The following ALK variants were observed in gnomAD, a reference collection of about 807,000 sequenced individuals.
ALK encodes ALK tyrosine kinase receptor.
A neutral mutation model predicts 163.1 loss-of-function variants in ALK; 74 were observed. The observed-to-expected ratio is 0.45, with a 90% CI of 0.38 to 0.55. The LOEUF (loss-of-function observed/expected upper bound fraction) is 0.55. ALK is among the 20% of genes least tolerant of loss of function. The probability of loss-of-function intolerance (pLI) is 0.00; values close to 1 mark genes in which losing one functional copy is unlikely to be tolerated. For synonymous variants in ALK, 960 were observed against 843.2 expected, an observed-to-expected ratio of 1.14 and a Z score of -2.40; for missense variants, 2,063 against 2,105.3, an observed-to-expected ratio of 0.98 and a Z score of 0.39.
chr2:29,658,848 T>C (rs1445562421), intron 3 of ALK, among the ~76,000 whole-genome samples: 1 of 152,168 alleles, frequency 6.6e-6, no homozygotes, highest in Non-Finnish European at 1.5e-5. Context: ...TAAACTACAC[T>C]GAAGCAGGGA....
intron 1 of ALK, among the ~76,000 whole-genome samples, chr2:29,841,493 T>C (rs1665697135): frequency 6.6e-6 from 1 of 152,230 alleles, no homozygotes; most frequent in Non-Finnish European, 1.5e-5. Context: ...GTTTGTATGT[T>C]AGAGAAGGAT....
chr2:29,731,413 G>A (rs1048083536), intron 1 of ALK, among the ~76,000 whole-genome samples: 3 of 152,220 alleles, frequency 2.0e-5, no homozygotes, highest in Admixed American at 1.3e-4. Context: ...GCATAAACTC[G>A]GAGAAACTGC....
chr2:29,728,646 T>G (rs1679643137), intron 1 of ALK, among the ~76,000 whole-genome samples: 1 of 152,182 alleles, frequency 6.6e-6, no homozygotes, highest in African/African-American at 2.4e-5. Context: ...ACTGAGGCCC[T>G]TAACCAGATG....
rs1673125382 is a variant in ALK, at chr2:29,531,776, G to T, written c.1154+139C>A. Reference sequence around the variant, plus strand: ...CCAAGACACTACCTAAGGGATATTAGTAGTAATTGCTCAACCTGGACCTAC... The same window carrying T: ...CCAAGACACTACCTAAGGGATATTATTAGTAATTGCTCAACCTGGACCTAC... On this transcript the variant is annotated intron_variant, in intron 4 of 28. Transcript: ENST00000389048. The T allele has an allele frequency of 9.1e-6, 8 of 875,392 alleles. No individual in the cohort carries two copies. The Admixed American group carries it at 1.4e-4, about 15-fold the overall frequency. The allele number at this position is 875,392 out of a possible 1,614,324, so 54.2% of individuals were successfully genotyped here.
At chr2:29,663,176 A>T (rs771312817) in intron 3 of ALK, among the ~76,000 whole-genome samples, 1 of 152,160 alleles carries the variant, frequency 6.6e-6, no homozygotes. Context: ...TAATTTCCCC[A>T]TTGGAACTCC....
intron 3 of ALK, among the ~76,000 whole-genome samples, chr2:29,559,397 G>C (rs139940396): frequency 6.6e-6 from 1 of 152,352 alleles, no homozygotes; most frequent in African/African-American, 2.4e-5. Context: ...CTGCCCAGCA[G>C]AGGCGTATGG....
chr2:29,420,700 G>A (rs1009715395), intron 4 of ALK, among the ~76,000 whole-genome samples: 2 of 151,632 alleles, frequency 1.3e-5, no homozygotes, highest in African/African-American at 2.4e-5. Flanking sequence ...AGAGTGGATC[G>A]TATGCAGAGG....
At chr2:29,620,962 A>G (rs1489505241) in intron 3 of ALK, among the ~76,000 whole-genome samples, 1 of 152,226 alleles carries the variant, frequency 6.6e-6, no homozygotes, top group African/African-American at 2.4e-5. Flanking sequence ...AGATAATAGC[A>G]GACTTATCTG....
intron 3 of ALK, among the ~76,000 whole-genome samples, chr2:29,642,727 C>T (rs1397624072): frequency 2.0e-5 from 3 of 152,236 alleles, no homozygotes; most frequent in East Asian, 3.9e-4. Flanking sequence ...GAAAAACAGG[C>T]AAATCAAAAT....
At chr2:29,510,258 T>C (rs1672473759) in intron 4 of ALK, among the ~76,000 whole-genome samples, 1 of 152,214 alleles carries the variant, frequency 6.6e-6, no homozygotes, top group Non-Finnish European at 1.5e-5. Flanking sequence ...GAAATGTCCC[T>C]AGCAATTGGC....
chr2:29,201,691 G>A (rs1669182929), intron 26 of ALK, among the ~76,000 whole-genome samples: 1 of 151,764 alleles, frequency 6.6e-6, no homozygotes, highest in Non-Finnish European at 1.5e-5. Context: ...GGAGGCTGAA[G>A]TGAGAGGATT....
chr2:29,583,376 C>G (rs1038403391), intron 3 of ALK, among the ~76,000 whole-genome samples: 1 of 152,068 alleles, frequency 6.6e-6, no homozygotes, highest in Non-Finnish European at 1.5e-5. Context: ...AGATGATTTG[C>G]CCAAGACCAC....
intron 15 of ALK, among the ~76,000 whole-genome samples, chr2:29,231,404 A>G (rs1027800473): frequency 1.3e-5 from 2 of 152,240 alleles, no homozygotes; most frequent in Non-Finnish European, 2.9e-5. Flanking sequence ...AGAAAAAAAA[A>G]GTCATCATGC....
intron 3 of ALK, among the ~76,000 whole-genome samples, chr2:29,547,750 A>G (rs1673595257): frequency 6.6e-6 from 1 of 152,210 alleles, no homozygotes; most frequent in Non-Finnish European, 1.5e-5. Context: ...AAGTTTAAAA[A>G]AAAGACTTGA....
At chr2:29,240,208 G>T (rs974323273) in intron 12 of ALK, among the ~76,000 whole-genome samples, 1 of 150,672 alleles carries the variant, frequency 6.6e-6, no homozygotes, top group Non-Finnish European at 1.5e-5. Context: ...TGGCATATTG[G>T]GGTGATGGCT....
intron 3 of ALK, among the ~76,000 whole-genome samples, chr2:29,557,553 T>G (rs917262344): frequency 6.6e-6 from 1 of 152,140 alleles, no homozygotes; most frequent in East Asian, 1.9e-4. Context: ...CAAATGGGCA[T>G]GAGACAAAAC....
intron 1 of ALK, among the ~76,000 whole-genome samples, chr2:29,727,848 A>G (rs977367524): frequency 2.6e-5 from 4 of 152,090 alleles, no homozygotes; most frequent in Non-Finnish European, 4.4e-5. Context: ...CCTCATGCAG[A>G]GACTCAGAGT....
At chr2:29,671,320 G>C (rs1677680610) in intron 3 of ALK, among the ~76,000 whole-genome samples, 1 of 152,068 alleles carries the variant, frequency 6.6e-6, no homozygotes, top group African/African-American at 2.4e-5. Flanking sequence ...CTAGCAGTTT[G>C]TGCCCAGGGA....
chr2:29,855,126 G>C (rs1666106713), intron 1 of ALK, among the ~76,000 whole-genome samples: 1 of 152,082 alleles, frequency 6.6e-6, no homozygotes, highest in African/African-American at 2.4e-5. Context: ...GCATGGACCT[G>C]GCATACAGAA....
Sources: gnomAD v4.1 joint callset for allele counts (sites outside exome capture counted in the v4.1 genomes callset) on GRCh38, gnomAD v4.1.1 for gene constraint, MANE v1.5 for transcripts, NCBI Gene and HGNC (gene_info 2026-07-23, HGNC 2026-07-21) for gene names.